Variants in ETFB observed in about 807,000 individuals in gnomAD.
The protein encoded by ETFB is beta-ETF.
Under a neutral mutation model 25.6 loss-of-function variants are expected in ETFB, and 20 were observed. The ratio of observed to expected loss-of-function variants is 0.78; its 90% CI spans 0.55 to 1.14. ETFB has a LOEUF of 1.14. Ranked by LOEUF, ETFB falls within the 50% of genes most tolerant of loss-of-function variation. The pLI is 0.00. For missense variants in ETFB, 286 were observed against 342.6 expected (o/e 0.83, Z 1.30); for synonymous variants, 142 against 146.7 (o/e 0.97, Z 0.23).
rs1195624609 is a variant in ETFB at position 51,345,331 on chromosome 19, C to G, written c.648G>C (p.Val216=). 1 of 1,614,010 alleles carries G rather than the reference C, an allele frequency of 6.2e-7. No individual in the cohort carries two copies. The highest frequency in any genetic ancestry group is 1.3e-5 in the African/African-American group (1 of 74,886). ...TCACAGAGAGCTTGGAGGTCAGGTC[C>G]ACACCCAGGTCCCCAGGCTTGATCA... The part of the protein sequence containing the change: ...IEVIKPGDLG[V]DLTSKLSVIS... The change falls in exon 6 of 6, where the codon GTG becomes GTC. Residue 216 remains valine, a synonymous_variant. Transcript: ENST00000309244.
intron 1 of ETFB, among the ~76,000 whole-genome samples, chr19:51,362,895 A>G (rs1335646609): frequency 6.6e-6 from 1 of 152,132 alleles, no homozygotes; most frequent in East Asian, 1.9e-4. Context: ...ATCAATAAGT[A>G]AACAACACTG....
intron 3 of ETFB, among the ~76,000 whole-genome samples, chr19:51,350,795 G>A (rs1398091994): frequency 6.6e-6 from 1 of 152,190 alleles, no homozygotes. Flanking sequence ...TTTCTATGGT[G>A]GAACAGATGT....
chr19:51,350,110 G>A (rs1489767510), intron 4 of ETFB: 1 of 525,300 alleles, frequency 1.9e-6, no homozygotes, highest in Non-Finnish European at 3.5e-6. Context: ...AGTTGAGCGG[G>A]TGGGCATGAG....
At chr19:51,360,973 G>C (rs1265505594) in intron 1 of ETFB, among the ~76,000 whole-genome samples, 1 of 151,914 alleles carries the variant, frequency 6.6e-6, no homozygotes, top group African/African-American at 2.4e-5. Flanking sequence ...TTTTAGTAGA[G>C]ACAAGGTCTC....
chr19:51,365,475 A>G (rs1310645079), intron 1 of ETFB: 1 of 152,404 alleles, frequency 6.6e-6, no homozygotes, highest in Non-Finnish European at 1.5e-5. Flanking sequence ...AATGCTGGGG[A>G]CACGGAGGTA....
chr19:51,362,515 C>A (rs1986257945), intron 1 of ETFB, among the ~76,000 whole-genome samples: 1 of 152,144 alleles, frequency 6.6e-6, no homozygotes. Context: ...GTGGAGGTTC[C>A]AGTGAGCTGA....
Position 51,345,324 on chromosome 19 carries a change from T to A in ETFB, c.655A>T (p.Thr219Ser). 1 of 1,614,012 alleles carries A rather than the reference T, an allele frequency of 6.2e-7. No homozygotes were observed. The highest frequency in any genetic ancestry group is 2.2e-5 in the East Asian group (1 of 44,874). The change falls in exon 6 of 6, where the codon ACC becomes TCC. Residue 219 changes from threonine (T) to serine (S), a missense_variant. By Grantham distance (58) the Thr-to-Ser change is moderately conservative (BLOSUM62 1). Coordinates refer to ENST00000309244, the MANE Select transcript of ETFB (RefSeq NM_001985.3). ...ACACTGATCACAGAGAGCTTGGAGG[T>A]CAGGTCCACACCCAGGTCCCCAGGC... ...IKPGDLGVDL[T>S]SKLSVISVED... is the part of the protein sequence containing the mutation.
Position 51,346,688 on chromosome 19 carries a change from T to C in ETFB, c.597+212A>G, listed in dbSNP as rs1049001936. The C allele has an allele frequency of 1.2e-5, 7 of 578,774 alleles. No homozygotes were observed. The South Asian group carries it at 1.5e-4, about 12-fold the overall frequency. The allele number at this position is 578,774 out of a possible 1,614,324, so 35.9% of individuals were successfully genotyped here. ...TACTGGCCTAGATACCAGCAAGCCC[T>C]CCCTGCTAGCCAAAGCAGCCCCCAT... On this transcript the variant is annotated intron_variant, in intron 5 of 5. Coordinates refer to ENST00000309244, the MANE Select transcript of ETFB (RefSeq NM_001985.3).
Position 51,366,283 on chromosome 19 carries a change from T to C in ETFB, c.44A>G (p.Asp15Gly), listed in dbSNP as rs981006954. 6.2e-7 allele frequency: 1 copy of C among 1,613,842 alleles called. No homozygotes were observed. The highest frequency in any genetic ancestry group is 1.3e-5 in the African/African-American group (1 of 74,902). The change falls in exon 1 of 6, where the codon GAC (aspartate) becomes GGC (glycine). Residue 15 changes from aspartate (D) to glycine (G), a missense_variant. By Grantham distance (94) the Asp-to-Gly change is moderately conservative (BLOSUM62 -1). Coordinates refer to ENST00000309244, the MANE Select transcript of ETFB (RefSeq NM_001985.3). ...RVLVAVKRVI[D>G]YAVKIRVKPD... ...GGGCCCGATCACCTTCACGGCGTAG[T>C]CGATGACCCTCTTGACAGCTACGAG...
intron 1 of ETFB, among the ~76,000 whole-genome samples, chr19:51,362,162 TAC>T (rs59581815): frequency 0.1 from 14,462 of 144,410 alleles, 1,551 homozygotes; most frequent in African/African-American, 0.26. Context: ...CGGACACACA[TAC>T]ACACACACAC....
At chr19:51,353,040 C>A in intron 3 of ETFB, 92 bp downstream of exon 3, 1 of 1,520,814 alleles carries the variant, frequency 6.6e-7, no homozygotes, top group Non-Finnish European at 9.1e-7. Flanking sequence ...ATGCCCTGGG[C>A]CTGGCCAGCT....
intron 3 of ETFB, among the ~76,000 whole-genome samples, chr19:51,350,770 C>T (rs140917544): frequency 4.6e-5 from 7 of 152,186 alleles, no homozygotes; most frequent in Admixed American, 1.3e-4. Flanking sequence ...CGCAGCCAGT[C>T]GGGTTGGCAA....
At chr19:51,361,462 C>T (rs927824031) in intron 1 of ETFB, among the ~76,000 whole-genome samples, 2 of 152,146 alleles carry the variant, frequency 1.3e-5, no homozygotes, top group African/African-American at 4.8e-5. Context: ...GTGAGCCCCA[C>T]GTGTGCCCTG....
chr19:51,349,185 A>T (rs955341737), intron 4 of ETFB, among the ~76,000 whole-genome samples: 3 of 152,226 alleles, frequency 2.0e-5, no homozygotes, highest in Non-Finnish European at 2.9e-5. Context: ...TGTTTAAGGT[A>T]GGCTGGGCTC....
intron 5 of ETFB, chr19:51,345,634 A>ACTGGCT (rs1985755744): frequency 1.8e-6 from 1 of 547,512 alleles, no homozygotes; most frequent in East Asian, 3.2e-5. Context: ...GAAGCCCTTC[A>ACTGGCT]CTGGCTGCAA....
chr19:51,360,766 T>TTA (rs139673081), intron 1 of ETFB, among the ~76,000 whole-genome samples: 2,915 of 150,212 alleles, frequency 0.019, 73 homozygotes, highest in African/African-American at 0.067. Flanking sequence ...CTTTCTCTCT[T>TTA]TCTCTCTCTC....
chr19:51,353,064 G>C, intron 3 of ETFB, 68 bp downstream of exon 3: 2 of 1,597,232 alleles, frequency 1.3e-6, no homozygotes, highest in South Asian at 1.1e-5. Context: ...GTCTCACCCC[G>C]TATCTCCACC....
chr19:51,358,678 G>A (rs944425152), intron 1 of ETFB, among the ~76,000 whole-genome samples: 2 of 152,146 alleles, frequency 1.3e-5, no homozygotes, highest in Admixed American at 6.5e-5. Context: ...GCATGGTAGT[G>A]CACGCCTGTA....
intron 4 of ETFB, among the ~76,000 whole-genome samples, chr19:51,349,672 T>C (rs906895867): frequency 2.6e-5 from 4 of 152,086 alleles, no homozygotes; most frequent in Admixed American, 1.3e-4. Flanking sequence ...CTCGAACTCC[T>C]GGGCTCAAGT....
Sources: gnomAD v4.1 joint callset for allele counts (sites outside exome capture counted in the v4.1 genomes callset) on GRCh38, gnomAD v4.1.1 for gene constraint, MANE v1.5 for transcripts, NCBI Gene and HGNC (gene_info 2026-07-23, HGNC 2026-07-21) for gene names.